Variants in WWOX observed in about 807,000 individuals in gnomAD.
The protein encoded by WWOX is WW domain-containing oxidoreductase.
In WWOX, 69 loss-of-function variants were observed where a neutral mutation model predicts 46.2. The ratio of observed to expected loss-of-function variants is 1.49; its 90% confidence interval spans 1.23 to 1.82. The LOEUF is 1.82. Among genes scored for constraint, WWOX ranks in the 40% most tolerant of loss-of-function variants. The probability of loss-of-function intolerance (pLI) is 0.00; values close to 1 mark genes in which losing one functional copy is unlikely to be tolerated. For missense variants in WWOX, 919 were observed against 542.6 expected, an observed-to-expected ratio of 1.69 and a Z score of -6.89; for synonymous variants, 359 against 202.6, an observed-to-expected ratio of 1.77 and a Z score of -6.56.
intron 8 of WWOX, among the ~76,000 whole-genome samples, chr16:78,831,036 A>G (rs1440947331): frequency 6.6e-6 from 1 of 152,180 alleles, no homozygotes; most frequent in Non-Finnish European, 1.5e-5. Flanking sequence ...AGGGGAGGGC[A>G]GAATGTGATG....
intron 8 of WWOX, among the ~76,000 whole-genome samples, chr16:78,766,876 A>G (rs1395306771): frequency 1.3e-5 from 2 of 152,208 alleles, no homozygotes; most frequent in East Asian, 1.9e-4. Context: ...TTGTGTAACC[A>G]TCAGCATTAC....
intron 5 of WWOX, among the ~76,000 whole-genome samples, chr16:78,313,454 C>A (rs1470124374): frequency 6.6e-6 from 1 of 152,160 alleles, no homozygotes. Flanking sequence ...ACAAGCTCTG[C>A]CTCCCGTTTA....
intron 8 of WWOX, among the ~76,000 whole-genome samples, chr16:79,063,757 C>G (rs537715488): frequency 6.6e-6 from 1 of 152,308 alleles, no homozygotes; most frequent in East Asian, 1.9e-4. Flanking sequence ...ATAAAAATAG[C>G]TCAAAATAAA....
At chr16:79,118,374 G>A (rs1267806321) in intron 8 of WWOX, among the ~76,000 whole-genome samples, 1 of 152,094 alleles carries the variant, frequency 6.6e-6, no homozygotes. Context: ...TGACAATGGG[G>A]ACATCAAAGA....
At chr16:79,060,787 G>C (rs925373403) in intron 8 of WWOX, among the ~76,000 whole-genome samples, 1 of 152,196 alleles carries the variant, frequency 6.6e-6, no homozygotes, top group Non-Finnish European at 1.5e-5. Flanking sequence ...TCTCCTTGCA[G>C]GTGCCTTTGG....
chr16:78,988,042 T>A (rs1415352705), intron 8 of WWOX, among the ~76,000 whole-genome samples: 1 of 151,388 alleles, frequency 6.6e-6, no homozygotes, highest in African/African-American at 2.4e-5. Flanking sequence ...TAGGGAAACA[T>A]AAAAGAGAGC....
chr16:78,638,113 T>A (rs1013718776), intron 8 of WWOX, among the ~76,000 whole-genome samples: 3 of 152,218 alleles, frequency 2.0e-5, no homozygotes, highest in Admixed American at 6.5e-5. Flanking sequence ...GTTATTCTAA[T>A]AACTGCCCAA....
chr16:78,557,689 A>ATTTTTTTTTTTTTTTTTTTTTT lies in WWOX; in HGVS notation c.1056+124939_1056+124960dup, dbSNP rs34068363. The stretch of plus-strand genomic sequence containing the variant: ...CATAAGTGCATTCCTCTAGGGAAGG[A>ATTTTTTTTTTTTTTTTTTTTTT]TTTTTTTTTTTTTTTTTTTTTTTGA... On this transcript the variant is annotated intron_variant, in intron 8 of 8. Coordinates refer to ENST00000566780, the MANE Select transcript of WWOX (RefSeq NM_016373.4). Among the ~76,000 whole-genome samples the ATTTTTTTTTTTTTTTTTTTTTT allele has an allele frequency of 2.0e-4, 19 of 96,626 alleles. 3 individuals carry two copies. Among genetic ancestry groups the ATTTTTTTTTTTTTTTTTTTTTT allele is most frequent in the African/African-American group, 7.3e-4 (14 of 19,196 alleles). 63.4% of individuals were successfully genotyped at this position (96,626 alleles called of 152,430 possible).
chr16:78,614,704 G>C (rs1444212368), intron 8 of WWOX, among the ~76,000 whole-genome samples: 1 of 152,168 alleles, frequency 6.6e-6, no homozygotes, highest in African/African-American at 2.4e-5. Flanking sequence ...ACATGAAGAG[G>C]GACGGGGCCA....
At chr16:78,578,222 G>C (rs1405318570) in intron 8 of WWOX, among the ~76,000 whole-genome samples, 1 of 89,662 alleles carries the variant, frequency 1.1e-5, no homozygotes, top group African/African-American at 4.3e-5. Flanking sequence ...TCAATTTTAT[G>C]TTTATATACA....
At chr16:78,731,495 T>C (rs182498529) in intron 8 of WWOX, among the ~76,000 whole-genome samples, 14 of 152,308 alleles carry the variant, frequency 9.2e-5, no homozygotes, top group Admixed American at 6.5e-4. Context: ...CTCTGTTCTT[T>C]CTTGTTTCCC....
In WWOX at chr16:79,067,908, C is replaced by T. The variant is rs192284255; in HGVS notation, c.1057-143700C>T. Among the ~76,000 whole-genome samples, 3 of 152,294 alleles carry T rather than the reference C, an allele frequency of 2.0e-5. No individual in the cohort carries two copies. In the East Asian group the frequency reaches 5.8e-4, roughly 29 times the overall value. On this transcript the variant is annotated intron_variant, in intron 8 of 8. Transcript: ENST00000566780. Reference sequence around the variant, plus strand: ...AGAGGCTAGCCTCCTGAGAGGGCGTCTCCTGGGAATGCCTGTGATCCAGGC... The same window carrying T: ...AGAGGCTAGCCTCCTGAGAGGGCGTTTCCTGGGAATGCCTGTGATCCAGGC...
intron 5 of WWOX, among the ~76,000 whole-genome samples, chr16:78,210,457 A>T (rs2036524876): frequency 6.6e-6 from 1 of 152,034 alleles, no homozygotes; most frequent in South Asian, 2.1e-4. Flanking sequence ...GTGCTAATTT[A>T]CCCACAGTTG....
At chr16:79,161,209 G>A (rs1179321613) in intron 8 of WWOX, among the ~76,000 whole-genome samples, 2 of 152,174 alleles carry the variant, frequency 1.3e-5, no homozygotes, top group Non-Finnish European at 2.9e-5. Flanking sequence ...AATATGACAT[G>A]ACATTTGAGT....
intron 5 of WWOX, among the ~76,000 whole-genome samples, chr16:78,276,091 A>C (rs1056317896): frequency 1.3e-5 from 2 of 152,184 alleles, no homozygotes; most frequent in African/African-American, 4.8e-5. Context: ...CTGCAGTTTC[A>C]TGATGGCAAG....
At chr16:78,818,176 G>T (rs901307578) in intron 8 of WWOX, among the ~76,000 whole-genome samples, 2 of 152,188 alleles carry the variant, frequency 1.3e-5, no homozygotes, top group Non-Finnish European at 2.9e-5. Flanking sequence ...CTTGCAGAAG[G>T]TAGTCTCTGT....
chr16:78,815,604 G>T (rs1490808874), intron 8 of WWOX, among the ~76,000 whole-genome samples: 1 of 152,124 alleles, frequency 6.6e-6, no homozygotes, highest in Non-Finnish European at 1.5e-5. Context: ...CACATTTATG[G>T]GGGCAGAGGG....
intron 8 of WWOX, among the ~76,000 whole-genome samples, chr16:78,441,030 C>T (rs1337378268): frequency 1.3e-5 from 2 of 152,178 alleles, no homozygotes; most frequent in African/African-American, 2.4e-5. Context: ...GCAGCCTCCG[C>T]CTCCCAGGTT....
At chr16:78,955,842 CTA>C (rs1262859426) in intron 8 of WWOX, among the ~76,000 whole-genome samples, 3 of 151,802 alleles carry the variant, frequency 2.0e-5, no homozygotes, top group Admixed American at 6.6e-5. Flanking sequence ...TGAGGTCTCA[CTA>C]TGTTTCCCAG....
Sources: allele counts gnomAD v4.1 joint callset (sites outside exome capture counted in the v4.1 genomes callset), GRCh38; gene constraint gnomAD v4.1.1; transcripts MANE v1.5; gene names NCBI Gene and HGNC (gene_info 2026-07-23, HGNC 2026-07-21).